Variants in TEKT5 observed in about 807,000 individuals in gnomAD.
The protein encoded by TEKT5 is tektin 5.
Under a neutral mutation model 48.7 loss-of-function variants are expected in TEKT5, and 52 were observed. The observed-to-expected ratio is 1.07, with a 90% CI of 0.86 to 1.35. The LOEUF is 1.35. Ranked by LOEUF, TEKT5 falls within the 40% of genes most tolerant of loss-of-function variation. The pLI is 0.00. For missense variants in TEKT5, 831 were observed against 641.6 expected (o/e 1.30, Z -3.19); for synonymous variants, 318 against 267.6 (o/e 1.19, Z -1.84).
chr16:10,644,512 C>A (rs1355653434), intron 5 of TEKT5, among the ~76,000 whole-genome samples: 1 of 152,214 alleles, frequency 6.6e-6, no homozygotes, highest in Non-Finnish European at 1.5e-5. Flanking sequence ...AAAGAAAGAG[C>A]TTCCCTGTCT....
chr16:10,688,387 G>A (rs1011278842), intron 3 of TEKT5, among the ~76,000 whole-genome samples: 7 of 152,202 alleles, frequency 4.6e-5, no homozygotes, highest in African/African-American at 1.4e-4. Flanking sequence ...GGGTTCTGGG[G>A]CACAGCAAAC....
intron 5 of TEKT5, among the ~76,000 whole-genome samples, chr16:10,669,137 T>C (rs186882187): frequency 2.0e-5 from 3 of 152,298 alleles, no homozygotes; most frequent in Admixed American, 1.3e-4. Flanking sequence ...GCAGCTTTAT[T>C]TGTAACAGCC....
chr16:10,647,447 G>T lies in TEKT5; in HGVS notation c.1087-11529C>A, dbSNP rs1051052716. The stretch of plus-strand genomic sequence containing the variant: ...TGATGACGCCACTGCACCCCAGCCT[G>T]GGTGACAGAGTGGGACCCTGTCTCA... On this transcript the variant is annotated intron_variant, in intron 5 of 6. Transcript: ENST00000283025. Among the ~76,000 whole-genome samples, 7 of 149,882 alleles carry T rather than the reference G, an allele frequency of 4.7e-5. No individual in the cohort carries two copies. The South Asian group carries it at 6.4e-4, about 14-fold the overall frequency.
At chr16:10,663,797 A>G (rs1054060727) in intron 5 of TEKT5, among the ~76,000 whole-genome samples, 2 of 152,222 alleles carry the variant, frequency 1.3e-5, no homozygotes, top group African/African-American at 4.8e-5. Context: ...AAATGTCTCC[A>G]GATATTGGCA....
At position 10,627,678 on chromosome 16, in the gene TEKT5, C is replaced by T. The variant is rs758598614; in HGVS notation, c.1363G>A (p.Ala455Thr). The T allele has an allele frequency of 5.5e-5, 88 of 1,614,060 alleles. No individual in the cohort carries two copies. The East Asian group carries it at 7.4e-4, about 13-fold the overall frequency. The change falls in exon 7 of 7, where the codon GCC becomes ACC. Residue 455 changes from alanine to threonine, a missense_variant. By Grantham distance (58) the Ala-to-Thr change is moderately conservative. Transcript: ENST00000283025. ...MTKCRLEHELAIKANTLCIDK... is the reference protein window; with the variant it reads ...MTKCRLEHELTIKANTLCIDK... Reference sequence around the variant, plus strand: ...ATGCAGAGGGTGTTGGCCTTGATGGCGAGCTCGTGCTCCAGCCGGCACTTG... The same window carrying T: ...ATGCAGAGGGTGTTGGCCTTGATGGTGAGCTCGTGCTCCAGCCGGCACTTG...
At chr16:10,660,194 C>T (rs910114959) in intron 5 of TEKT5, among the ~76,000 whole-genome samples, 1 of 152,104 alleles carries the variant, frequency 6.6e-6, no homozygotes, top group Non-Finnish European at 1.5e-5. Context: ...CCTCCCTCAA[C>T]CCACTTATTC....
At chr16:10,664,936 C>T (rs1467181605) in intron 5 of TEKT5, among the ~76,000 whole-genome samples, 1 of 152,222 alleles carries the variant, frequency 6.6e-6, no homozygotes, top group Non-Finnish European at 1.5e-5. Context: ...TGTCAATCAT[C>T]ATTACTCCCA....
intron 1 of TEKT5, among the ~76,000 whole-genome samples, chr16:10,691,722 G>A (rs1408909565): frequency 6.6e-6 from 1 of 152,158 alleles, no homozygotes; most frequent in Non-Finnish European, 1.5e-5. Flanking sequence ...GCTGAGGTGG[G>A]CGGATCACGA....
intron 4 of TEKT5, among the ~76,000 whole-genome samples, chr16:10,679,627 G>T (rs969161076): frequency 6.6e-6 from 1 of 152,128 alleles, no homozygotes. Flanking sequence ...AGGGGTGGTG[G>T]CTCACACCTG....
intron 5 of TEKT5, among the ~76,000 whole-genome samples, chr16:10,657,216 G>A (rs1463110388): frequency 6.7e-6 from 1 of 150,018 alleles, no homozygotes; most frequent in African/African-American, 2.5e-5. Flanking sequence ...ACCTCCGTTT[G>A]CCAGGTTCAA....
intron 4 of TEKT5, among the ~76,000 whole-genome samples, chr16:10,677,247 T>C (rs1224287568): frequency 1.3e-5 from 2 of 148,378 alleles, no homozygotes; most frequent in Non-Finnish European, 2.9e-5. Flanking sequence ...TGTCATTATG[T>C]GTTGGTCAGG....
At chr16:10,679,897 C>CAGAT (rs67108171) in intron 4 of TEKT5, among the ~76,000 whole-genome samples, 40,342 of 150,390 alleles carry the variant, frequency 0.27, 6,671 homozygotes, top group African/African-American at 0.48. Context: ...AACTCGGTCT[C>CAGAT]AAATAAATAA....
intron 5 of TEKT5, among the ~76,000 whole-genome samples, chr16:10,668,559 T>C (rs1177360601): frequency 1.3e-5 from 2 of 152,162 alleles, no homozygotes; most frequent in African/African-American, 2.4e-5. Flanking sequence ...ACAGAGGGGT[T>C]GGCAGTAGAC....
intron 5 of TEKT5, among the ~76,000 whole-genome samples, chr16:10,661,331 C>T (rs1004843864): frequency 9.2e-5 from 14 of 152,156 alleles, no homozygotes; most frequent in South Asian, 2.1e-4. Flanking sequence ...ATTTCTGCAG[C>T]ACCTCGCTAC....
chr16:10,654,661 G>A (rs146946145), intron 5 of TEKT5, among the ~76,000 whole-genome samples: 43 of 152,086 alleles, frequency 2.8e-4, no homozygotes, highest in African/African-American at 9.2e-4. Flanking sequence ...AGACTCAGAC[G>A]GAAGCTTACA....
intron 3 of TEKT5, among the ~76,000 whole-genome samples, chr16:10,682,412 T>C (rs1328476813): frequency 6.6e-6 from 1 of 152,128 alleles, no homozygotes; most frequent in Non-Finnish European, 1.5e-5. Flanking sequence ...ACTGCAGCCT[T>C]GACCTCCCAG....
chr16:10,683,763 G>A (rs1488651179), intron 3 of TEKT5, among the ~76,000 whole-genome samples: 1 of 151,990 alleles, frequency 6.6e-6, no homozygotes, highest in Non-Finnish European at 1.5e-5. Context: ...GCTGATTTTT[G>A]TGTTTTTTTA....
intron 4 of TEKT5, among the ~76,000 whole-genome samples, chr16:10,679,609 C>T (rs541878585): frequency 6.6e-6 from 1 of 152,204 alleles, no homozygotes; most frequent in South Asian, 2.1e-4. Context: ...TAAGAAAACC[C>T]TAAGGCCAGG....
At chr16:10,666,978 C>CTTTTTT (rs201657619) in intron 5 of TEKT5, among the ~76,000 whole-genome samples, 59 of 124,648 alleles carry the variant, frequency 4.7e-4, no homozygotes, top group Non-Finnish European at 7.6e-4. Flanking sequence ...TGGCTCCTTA[C>CTTTTTT]TTTTTTTTTT....
Sources: gnomAD v4.1 joint callset for allele counts (sites outside exome capture counted in the v4.1 genomes callset) on GRCh38, gnomAD v4.1.1 for gene constraint, MANE v1.5 for transcripts, NCBI Gene and HGNC (gene_info 2026-07-23, HGNC 2026-07-21) for gene names.